Variants in KLHL29 observed in about 807,000 individuals in gnomAD.
The protein encoded by KLHL29 is kelch like family member 29.
A neutral mutation model predicts 80.4 loss-of-function variants in KLHL29; 21 were observed. The ratio of observed to expected loss-of-function variants is 0.26; its 90% CI spans 0.19 to 0.38. The LOEUF is 0.38. Among genes scored for constraint, KLHL29 ranks in the 10% least tolerant of loss-of-function variants. The pLI is 1.00. For synonymous variants in KLHL29, 511 were observed against 526.8 expected, an observed-to-expected ratio of 0.97 and a Z score of 0.41; for missense variants, 867 against 1,223.9, an observed-to-expected ratio of 0.71 and a Z score of 4.35.
At chr2:23,633,075 C>G (rs1669511261) in intron 3 of KLHL29, among the ~76,000 whole-genome samples, 1 of 152,214 alleles carries the variant, frequency 6.6e-6, no homozygotes, top group Non-Finnish European at 1.5e-5. Flanking sequence ...CAGGGCCAGG[C>G]AGGTGGGATG....
At chr2:23,496,982 T>A (rs528473190) in intron 2 of KLHL29, among the ~76,000 whole-genome samples, 12 of 151,938 alleles carry the variant, frequency 7.9e-5, no homozygotes, top group Non-Finnish European at 5.9e-5. Flanking sequence ...TGAAATCAAT[T>A]CTGTAAATTG....
intron 3 of KLHL29, among the ~76,000 whole-genome samples, chr2:23,612,329 T>C (rs1668890008): frequency 6.6e-6 from 1 of 152,262 alleles, no homozygotes; most frequent in Non-Finnish European, 1.5e-5. Context: ...TGGTGTGATA[T>C]CTTTAAAGTG....
At chr2:23,674,735 T>G (rs1670876669) in intron 5 of KLHL29, among the ~76,000 whole-genome samples, 1 of 146,214 alleles carries the variant, frequency 6.8e-6, no homozygotes, top group African/African-American at 2.5e-5. Context: ...GTTCAGTTTC[T>G]GGGGCCAGAC....
chr2:23,581,279 C>T (rs1418768157), intron 3 of KLHL29, among the ~76,000 whole-genome samples: 1 of 152,196 alleles, frequency 6.6e-6, no homozygotes, highest in Non-Finnish European at 1.5e-5. Context: ...CACTCCCCAC[C>T]CGGTCTTCCT....
chr2:23,437,102 G>A (rs1401682256), intron 1 of KLHL29, among the ~76,000 whole-genome samples: 1 of 152,170 alleles, frequency 6.6e-6, no homozygotes, highest in Non-Finnish European at 1.5e-5. Flanking sequence ...TTGATTGAAA[G>A]CCCGGGTTCA....
In KLHL29 at chr2:23,486,409, G is replaced by A. The variant is rs149078026; in HGVS notation, c.-46+10742G>A. On this transcript the variant is annotated intron_variant, in intron 2 of 13. Transcript: ENST00000486442. ...GGCTTTGAGACCCAGAAGCATGTCC[G>A]TGCCCCTCTTTGGATCTTGTTGTTT... is the stretch of plus-strand genomic sequence containing the variant. 1.7e-3 allele frequency among the ~76,000 whole-genome samples: 263 copies of A among 151,756 alleles called. 2 individuals carry two copies. The highest frequency in any genetic ancestry group is 6.1e-3 in the South Asian group (29 of 4,748).
At chr2:23,407,424 G>A (rs1462714779) in intron 1 of KLHL29, among the ~76,000 whole-genome samples, 2 of 151,724 alleles carry the variant, frequency 1.3e-5, no homozygotes, top group Non-Finnish European at 2.9e-5. Flanking sequence ...TCTGTGTATT[G>A]ACGTACCTGT....
chr2:23,634,833 A>G (rs1297481473), intron 3 of KLHL29, among the ~76,000 whole-genome samples: 1 of 151,590 alleles, frequency 6.6e-6, no homozygotes, highest in Non-Finnish European at 1.5e-5. Flanking sequence ...CGTGTCATTC[A>G]CTCTCCCTGG....
intron 3 of KLHL29, among the ~76,000 whole-genome samples, chr2:23,594,750 T>C (rs1184522736): frequency 7.9e-5 from 12 of 152,196 alleles, no homozygotes; most frequent in Admixed American, 7.9e-4. Flanking sequence ...CTTTCAAAAT[T>C]CATGTAGTGA....
chr2:23,663,870 A>G (rs1670485684), intron 5 of KLHL29, among the ~76,000 whole-genome samples: 1 of 152,206 alleles, frequency 6.6e-6, no homozygotes, highest in South Asian at 2.1e-4. Flanking sequence ...TCAAACGGAC[A>G]CATCGCTTGT....
intron 11 of KLHL29, among the ~76,000 whole-genome samples, chr2:23,699,480 T>C (rs1388380046): frequency 1.3e-5 from 2 of 152,298 alleles, no homozygotes; most frequent in East Asian, 3.9e-4. Flanking sequence ...GGACCGATAT[T>C]CCAGCTTCCC....
At chr2:23,524,691 C>T (rs539759823) in intron 2 of KLHL29, among the ~76,000 whole-genome samples, 1 of 152,334 alleles carries the variant, frequency 6.6e-6, no homozygotes, top group East Asian at 1.9e-4. Flanking sequence ...CCTTGCCACC[C>T]TTTCCAGTGC....
chr2:23,415,904 T>C (rs974658918), intron 1 of KLHL29, among the ~76,000 whole-genome samples: 2 of 152,172 alleles, frequency 1.3e-5, no homozygotes, highest in African/African-American at 4.8e-5. Flanking sequence ...TAATACTCAC[T>C]GCTCAGAGTT....
chr2:23,511,923 A>G (rs983957800), intron 2 of KLHL29, among the ~76,000 whole-genome samples: 2 of 152,066 alleles, frequency 1.3e-5, no homozygotes, highest in African/African-American at 4.8e-5. Flanking sequence ...TTTAAACAGT[A>G]TTCACCCCAC....
At position 23,695,529 on chromosome 2, in the gene KLHL29, A is replaced by T; in HGVS notation, c.1543-94A>T. 2.3e-6 allele frequency: 2 copies of T among 851,712 alleles called. No homozygotes were observed. The highest frequency in any genetic ancestry group is 3.6e-6 in the Non-Finnish European group (2 of 557,608). 52.8% of individuals were successfully genotyped at this position (851,712 alleles called of 1,614,324 possible). A position where few individuals can be genotyped will look rare whatever the true frequency, so the allele number is the denominator to read the frequency against. On this transcript the variant is annotated intron_variant, in intron 8 of 13. Coordinates refer to ENST00000486442, the MANE Select transcript of KLHL29 (RefSeq NM_052920.2). This position sits in a 1 kb window ranked among gnomAD's most constrained non-coding sequence, Gnocchi z 7.6. ...CCCAAGCCTAACACAGCCTGGAATT[A>T]TCCATTCTTGTGCAGCCCCACACCA... is the stretch of plus-strand genomic sequence containing the variant.
Position 23,441,490 on chromosome 2 carries a change from ATAATAAT to A in KLHL29, c.-153-34062_-153-34056del, listed in dbSNP as rs534649760. 9.0e-3 allele frequency among the ~76,000 whole-genome samples: 1,373 copies of A among 151,800 alleles called. 23 individuals carry two copies. The highest frequency in any genetic ancestry group is 0.032 in the African/African-American group (1,328 of 41,428). ...AACTTAAAGTATAATAAGAATAATA[ATAATAAT>A]TAATAATAAAAGAAATCAGAGAAAA... On this transcript the variant is annotated intron_variant, in intron 1 of 13. Transcript: ENST00000486442.
chr2:23,693,362 C>T lies in KLHL29; in HGVS notation c.1376C>T (p.Ala459Val), dbSNP rs1404611546. Reference sequence around the variant, plus strand: ...CTCTACCACATGGCCAAGGCCTTCGCGCTGCAGATCTTCCCCGAGGTGGCC... The same window carrying T: ...CTCTACCACATGGCCAAGGCCTTCGTGCTGCAGATCTTCCCCGAGGTGGCC... ...SELYHMAKAF[A>V]LQIFPEVAAQ... Residue 459 changes from alanine (A) to valine (V), a missense_variant, in exon 8 of 14, where the codon GCG becomes GTG. Coordinates refer to ENST00000486442, the MANE Select transcript of KLHL29 (RefSeq NM_052920.2). 6 of 1,551,690 alleles carry T rather than the reference C, an allele frequency of 3.9e-6. No homozygotes were observed. Among genetic ancestry groups the T allele is most frequent in the South Asian group, 1.2e-5 (1 of 84,060 alleles).
intron 3 of KLHL29, among the ~76,000 whole-genome samples, chr2:23,627,036 C>T (rs966734604): frequency 2.0e-5 from 3 of 152,160 alleles, no homozygotes; most frequent in Non-Finnish European, 4.4e-5. Context: ...CAGTGCCCAT[C>T]CCCGCCCCGC....
At chr2:23,401,078 TC>T (rs976834224) in intron 1 of KLHL29, among the ~76,000 whole-genome samples, 56 of 152,352 alleles carry the variant, frequency 3.7e-4, no homozygotes, top group African/African-American at 1.3e-3. Flanking sequence ...AAAGCCAGTT[TC>T]ACCTGAGGTC....
Sources: gnomAD v4.1 joint callset for allele counts (sites outside exome capture counted in the v4.1 genomes callset) on GRCh38, gnomAD v4.1.1 for gene constraint, Gnocchi (gnomAD v3.1) non-coding constraint, MANE v1.5 for transcripts, NCBI Gene and HGNC (gene_info 2026-07-23, HGNC 2026-07-21) for gene names.